SLIT1: variants seen among roughly 807,000 people sequenced by gnomAD.
SLIT1 encodes the protein slit guidance ligand 1, also known as slit homolog 1 protein.
A neutral mutation model predicts 186.1 loss-of-function variants in SLIT1; 66 were observed. That is an observed-to-expected ratio of 0.35 (90% CI 0.29 to 0.44). The LOEUF (loss-of-function observed/expected upper bound fraction) is 0.44, where lower values mean the gene tolerates loss of function less well. SLIT1 is among the 20% of genes least tolerant of loss of function. The probability of loss-of-function intolerance (pLI) is 1.00; values close to 1 mark genes in which losing one functional copy is unlikely to be tolerated. For synonymous variants in SLIT1, 761 were observed against 833.8 expected (o/e 0.91, Z 1.50); for missense variants, 1,638 against 2,037.4 (o/e 0.80, Z 3.77).
rs549887594 is a variant in SLIT1, at chr10:97,104,496, A to G, written c.414-38410T>C. 4.6e-5 allele frequency among the ~76,000 whole-genome samples: 7 copies of G among 152,130 alleles called. No homozygotes were observed. In the South Asian group the frequency reaches 1.5e-3, roughly 32 times the overall value. ...CAATTAACATCAGCAACTGTTATAC[A>G]CCTCAGTTTCTATCCGGTCACTCCA... On this transcript the variant is annotated intron_variant, in intron 4 of 36. Coordinates refer to ENST00000266058, the MANE Select transcript of SLIT1 (RefSeq NM_003061.3).
At position 97,184,526 on chromosome 10, in the gene SLIT1, A is replaced by T. The variant is rs1850384595; in HGVS notation, c.197+952T>A. Among the ~76,000 whole-genome samples the T allele has an allele frequency of 6.6e-6, 1 of 152,022 alleles. No homozygotes were observed. The highest frequency in any genetic ancestry group is 6.5e-5 in the Admixed American group (1 of 15,276). ...GAATTCACACAGAAACACATTCTGC[A>T]GGAGAGTCACAGAAAACAAAGTATA... On this transcript the variant is annotated intron_variant, in intron 1 of 36. Transcript: ENST00000266058. This position sits in a 1 kb window ranked among gnomAD's most constrained non-coding sequence, Gnocchi z 4.4.
chr10:97,154,294 C>T (rs971999796), intron 4 of SLIT1: 2 of 152,210 alleles, frequency 1.3e-5, no homozygotes, highest in African/African-American at 2.4e-5. Context: ...AGACAGTGCC[C>T]GTTTTGAGAT....
Position 97,127,575 on chromosome 10 carries a change from G to T in SLIT1, c.413+30243C>A, listed in dbSNP as rs561208221. Among the ~76,000 whole-genome samples the T allele has an allele frequency of 4.6e-5, 7 of 152,296 alleles. 1 individual carries two copies. The South Asian group carries it at 1.2e-3, about 27-fold the overall frequency. ...TAGCAAGGACCTCATCAGGAACCAC[G>T]TCCTCTGGGCACAGAGATGAGCCAA... On this transcript the variant is annotated intron_variant, in intron 4 of 36. Transcript: ENST00000266058.
At chr10:97,177,622 G>A (rs146163902) in intron 1 of SLIT1, among the ~76,000 whole-genome samples, 121 of 152,160 alleles carry the variant, frequency 8.0e-4, no homozygotes, top group African/African-American at 2.2e-3. Flanking sequence ...CATTAACGGC[G>A]GATTGGATAA....
At chr10:97,032,171 G>A (rs534340104) in intron 23 of SLIT1, among the ~76,000 whole-genome samples, 1 of 152,312 alleles carries the variant, frequency 6.6e-6, no homozygotes, top group East Asian at 1.9e-4. Context: ...ATTTACTATT[G>A]AAAAGCTGTG....
intron 4 of SLIT1, among the ~76,000 whole-genome samples, chr10:97,132,074 T>C (rs961295761): frequency 1.3e-5 from 2 of 152,218 alleles, no homozygotes; most frequent in South Asian, 2.1e-4. Flanking sequence ...CGATGCCCCA[T>C]TGAAGCCCTG....
In SLIT1 at chr10:97,006,412, T is replaced by C; in HGVS notation, c.3579+71A>G. 6 of 1,064,852 alleles carry C rather than the reference T, an allele frequency of 5.6e-6. No individual in the cohort carries two copies. Among genetic ancestry groups the C allele is most frequent in the Non-Finnish European group, 8.6e-6 (6 of 695,288 alleles). 66.0% of individuals were successfully genotyped at this position (1,064,852 alleles called of 1,614,324 possible). A position where few individuals can be genotyped will look rare whatever the true frequency, so the allele number is the denominator to read the frequency against. ...CCAGGCACCATGCAGGGATGTATCC[T>C]GATGCTCTGGCCTAAGCCAGGGTCG... is the stretch of plus-strand genomic sequence containing the variant. On this transcript the variant is annotated intron_variant, in intron 32 of 36. Transcript: ENST00000266058. The surrounding 1 kb of genome is among the most constrained non-coding windows in gnomAD (Gnocchi z 4.0).
At chr10:97,178,158 C>A (rs1236080102) in intron 1 of SLIT1, among the ~76,000 whole-genome samples, 1 of 151,998 alleles carries the variant, frequency 6.6e-6, no homozygotes, top group African/African-American at 2.4e-5. Context: ...TCAGACAATC[C>A]CCCTGACAAA....
intron 1 of SLIT1, among the ~76,000 whole-genome samples, chr10:97,165,762 C>T (rs1438888071): frequency 1.3e-5 from 2 of 152,090 alleles, no homozygotes; most frequent in African/African-American, 2.4e-5. Flanking sequence ...GTCCAGGAAG[C>T]GAGGCCACCC....
chr10:97,185,795 G>A lies in SLIT1; in HGVS notation c.-121C>T. 1.0e-5 allele frequency: 9 copies of A among 891,606 alleles called. No individual in the cohort carries two copies. The highest frequency in any genetic ancestry group is 1.1e-5 in the Non-Finnish European group (7 of 639,964). 55.2% of individuals were successfully genotyped at this position (891,606 alleles called of 1,614,324 possible). ...CACCGAAGAGCCCGCGGGCTTGCGC[G>A]CGGCGCCCCTGCGGGCTGGGAGGCA... On this transcript the variant is annotated 5_prime_UTR_variant, in exon 1 of 37. Coordinates refer to ENST00000266058, the MANE Select transcript of SLIT1 (RefSeq NM_003061.3).
At chr10:97,121,819 G>A (rs910290945) in intron 4 of SLIT1, among the ~76,000 whole-genome samples, 5 of 152,106 alleles carry the variant, frequency 3.3e-5, no homozygotes, top group Non-Finnish European at 4.4e-5. Context: ...TTGCTTTACC[G>A]ATGCCACATT....
At chr10:97,058,114 G>A in intron 11 of SLIT1, 1 of 714,862 alleles carries the variant, frequency 1.4e-6, no homozygotes, top group East Asian at 2.7e-5. Context: ...GGCTGGAATG[G>A]AGGGAACAAA....
chr10:97,141,682 G>GTATCT (rs1184968083), intron 4 of SLIT1, among the ~76,000 whole-genome samples: 1 of 67,222 alleles, frequency 1.5e-5, no homozygotes, highest in Admixed American at 1.2e-4. Flanking sequence ...GTATCGTATT[G>GTATCT]TATCGTATCG....
intron 4 of SLIT1, among the ~76,000 whole-genome samples, chr10:97,144,197 C>CA (rs11323387): frequency 1.8e-3 from 262 of 143,620 alleles, no homozygotes; most frequent in African/African-American, 6.2e-3. Flanking sequence ...GACTCCATCT[C>CA]AAAAAAAAAA....
chr10:97,073,307 T>G (rs1849017161), intron 4 of SLIT1, among the ~76,000 whole-genome samples: 1 of 152,204 alleles, frequency 6.6e-6, no homozygotes, highest in African/African-American at 2.4e-5. Flanking sequence ...CAGTCATTGC[T>G]GCCCGTCCTC....
intron 4 of SLIT1, among the ~76,000 whole-genome samples, chr10:97,086,186 A>T (rs1849157307): frequency 6.6e-6 from 1 of 152,244 alleles, no homozygotes; most frequent in South Asian, 2.1e-4. Flanking sequence ...TAACTGCTAA[A>T]ACTTGGAAGC....
intron 4 of SLIT1, among the ~76,000 whole-genome samples, chr10:97,092,601 C>T (rs760300324): frequency 6.6e-6 from 1 of 152,158 alleles, no homozygotes; most frequent in Non-Finnish European, 1.5e-5. Flanking sequence ...TGGGACTCTC[C>T]CCATGAAATA....
At chr10:97,132,889 A>G (rs1849667653) in intron 4 of SLIT1, among the ~76,000 whole-genome samples, 1 of 152,180 alleles carries the variant, frequency 6.6e-6, no homozygotes, top group African/African-American at 2.4e-5. Context: ...TACAGCCTAC[A>G]TTGTCAGGCA....
chr10:97,018,252 G>A (rs1324359843), intron 28 of SLIT1, among the ~76,000 whole-genome samples: 2 of 152,200 alleles, frequency 1.3e-5, no homozygotes, highest in South Asian at 2.1e-4. Flanking sequence ...AGGCCCCCAT[G>A]GCACCTGGCA....
Sources: allele counts gnomAD v4.1 joint callset (sites outside exome capture counted in the v4.1 genomes callset), GRCh38; gene constraint gnomAD v4.1.1; non-coding constraint Gnocchi (gnomAD v3.1); transcripts MANE v1.5; gene names NCBI Gene and HGNC (gene_info 2026-07-23, HGNC 2026-07-21).